TBC1D5: variants seen among roughly 807,000 people sequenced by gnomAD.
The protein encoded by TBC1D5 is TBC1 domain family member 5.
A neutral mutation model predicts 100.3 loss-of-function variants in TBC1D5; 75 were observed. That is an observed-to-expected ratio of 0.75 (90% CI 0.62 to 0.91). The LOEUF (loss-of-function observed/expected upper bound fraction) is 0.91, where lower values mean the gene tolerates loss of function less well. Ranked by LOEUF, TBC1D5 falls within the 40% of genes least tolerant of loss-of-function variation. The pLI is 0.00. For missense variants in TBC1D5, 910 were observed against 942.4 expected (o/e 0.97, Z 0.45); for synonymous variants, 323 against 325.6 (o/e 0.99, Z 0.09).
chr3:17,448,278 T>C (rs2094845035), intron 3 of TBC1D5, among the ~76,000 whole-genome samples: 1 of 152,216 alleles, frequency 6.6e-6, no homozygotes, highest in African/African-American at 2.4e-5. Flanking sequence ...GAGGAGGTCT[T>C]GAACTTAAAA....
chr3:17,162,761 C>T (rs2066195118), intron 21 of TBC1D5, among the ~76,000 whole-genome samples: 1 of 152,172 alleles, frequency 6.6e-6, no homozygotes, highest in Non-Finnish European at 1.5e-5. Flanking sequence ...CCATGACTGT[C>T]CCTATATAAG....
At chr3:17,313,411 T>C (rs1278473634) in intron 13 of TBC1D5, among the ~76,000 whole-genome samples, 1 of 152,174 alleles carries the variant, frequency 6.6e-6, no homozygotes, top group Non-Finnish European at 1.5e-5. Flanking sequence ...TTTTTACTTC[T>C]AGAAAGTCTG....
chr3:17,371,150 A>C (rs1354759465), intron 13 of TBC1D5, among the ~76,000 whole-genome samples: 1 of 152,066 alleles, frequency 6.6e-6, no homozygotes, highest in Non-Finnish European at 1.5e-5. Context: ...GACATGTTAC[A>C]GAAGTTATGT....
intron 1 of TBC1D5, among the ~76,000 whole-genome samples, chr3:17,709,602 C>T (rs1292962577): frequency 1.3e-5 from 2 of 152,084 alleles, no homozygotes; most frequent in Admixed American, 6.5e-5. Flanking sequence ...CCTTGTCTAA[C>T]GGCACATTGA....
chr3:17,231,908 G>C (rs957939757), intron 17 of TBC1D5, among the ~76,000 whole-genome samples: 5 of 152,220 alleles, frequency 3.3e-5, no homozygotes, highest in Middle Eastern at 6.8e-3. Flanking sequence ...ATTCTGAATA[G>C]GGTATCTAGT....
chr3:17,437,417 AG>A (rs2149482941), intron 3 of TBC1D5, among the ~76,000 whole-genome samples: 1 of 152,282 alleles, frequency 6.6e-6, no homozygotes, highest in Non-Finnish European at 1.5e-5. Flanking sequence ...ATAACAGAGT[AG>A]GCCAGAATCA....
chr3:17,469,621 A>C (rs949729419), intron 3 of TBC1D5, among the ~76,000 whole-genome samples: 1 of 152,250 alleles, frequency 6.6e-6, no homozygotes, highest in African/African-American at 2.4e-5. Flanking sequence ...AGGGGTTTAC[A>C]TATGTTCCAA....
chr3:17,353,473 T>C (rs185744392), intron 13 of TBC1D5, among the ~76,000 whole-genome samples: 458 of 152,186 alleles, frequency 3.0e-3, no homozygotes, highest in African/African-American at 0.011. Context: ...GTAAATTACC[T>C]AACTTCAGTT....
intron 2 of TBC1D5, 23 bp downstream of exon 2, chr3:17,623,814 AGCTGATCAAAAT>A (rs1185351973): frequency 6.6e-6 from 1 of 152,236 alleles, no homozygotes; most frequent in Admixed American, 6.5e-5. Context: ...CATACATGAC[AGCTGATCAAAAT>A]CATTCAAGAA....
chr3:17,343,698 G>T (rs1242811409), intron 13 of TBC1D5, among the ~76,000 whole-genome samples: 1 of 152,066 alleles, frequency 6.6e-6, no homozygotes, highest in Non-Finnish European at 1.5e-5. Context: ...AGTCTTGGGA[G>T]AGTGTATGTG....
chr3:17,362,007 G>C (rs78423361), intron 13 of TBC1D5, among the ~76,000 whole-genome samples: 4,473 of 152,104 alleles, frequency 0.029, 220 homozygotes, highest in African/African-American at 0.1. Context: ...AAAACTAACT[G>C]ATCTTCAACA....
At chr3:17,411,964 G>A (rs181323776) in intron 4 of TBC1D5, among the ~76,000 whole-genome samples, 2 of 152,276 alleles carry the variant, frequency 1.3e-5, no homozygotes, top group Non-Finnish European at 2.9e-5. Context: ...TATATTAATT[G>A]TCTTTCATTT....
intron 2 of TBC1D5, among the ~76,000 whole-genome samples, chr3:17,517,457 C>A (rs889467245): frequency 6.6e-6 from 1 of 152,062 alleles, no homozygotes; most frequent in East Asian, 1.9e-4. Context: ...GCAAGCTTTA[C>A]AAAGTTAACC....
intron 1 of TBC1D5, among the ~76,000 whole-genome samples, chr3:17,695,147 A>C (rs2071811273): frequency 6.6e-6 from 1 of 152,236 alleles, no homozygotes; most frequent in South Asian, 2.1e-4. Context: ...AAAACATGCC[A>C]AATTGTAAAG....
intron 16 of TBC1D5, among the ~76,000 whole-genome samples, chr3:17,257,113 G>A (rs2077779282): frequency 6.6e-6 from 1 of 152,096 alleles, no homozygotes; most frequent in Non-Finnish European, 1.5e-5. Flanking sequence ...ATGTTTACAT[G>A]GAGGTATGAT....
At chr3:17,270,431 A>T (rs190179429) in intron 15 of TBC1D5, among the ~76,000 whole-genome samples, 101 of 152,286 alleles carry the variant, frequency 6.6e-4, no homozygotes, top group African/African-American at 2.3e-3. Flanking sequence ...CTCTCACAGG[A>T]GTTAGCACAG....
chr3:17,538,993 C>A (rs971618059), intron 2 of TBC1D5, among the ~76,000 whole-genome samples: 10 of 152,114 alleles, frequency 6.6e-5, no homozygotes, highest in Non-Finnish European at 8.8e-5. Flanking sequence ...ACCAGCCTGG[C>A]CAACATGGTG....
intron 8 of TBC1D5, among the ~76,000 whole-genome samples, chr3:17,392,208 T>G (rs899242053): frequency 6.6e-6 from 1 of 152,072 alleles, no homozygotes; most frequent in Non-Finnish European, 1.5e-5. Flanking sequence ...TTAGATTTTT[T>G]ATTTTTTATT....
chr3:17,535,837 G>A (rs368173004), intron 2 of TBC1D5, among the ~76,000 whole-genome samples: 14 of 151,760 alleles, frequency 9.2e-5, no homozygotes, highest in African/African-American at 2.9e-4. Context: ...CAATGATACT[G>A]CATAAATGAA....
Sources: allele counts gnomAD v4.1 joint callset (sites outside exome capture counted in the v4.1 genomes callset), GRCh38; gene constraint gnomAD v4.1.1; transcripts MANE v1.5; gene names NCBI Gene and HGNC (gene_info 2026-07-23, HGNC 2026-07-21).